KICS2: variants seen among roughly 807,000 people sequenced by gnomAD.
KICS2 encodes KICSTOR subunit 2.
KICS2 carries 13 observed loss-of-function variants against 31.4 expected under a neutral mutation model. That is an observed-to-expected ratio of 0.41 (90% CI 0.27 to 0.66). The LOEUF is 0.66. KICS2 is among the 30% of genes least tolerant of loss of function. KICS2 has a pLI of 0.28. For missense variants in KICS2, 455 were observed against 545.4 expected (o/e 0.83, Z 1.65); for synonymous variants, 209 against 214.8 (o/e 0.97, Z 0.24).
At chr12:64,210,564 G>A (rs777074863) in intron 2 of KICS2, among the ~76,000 whole-genome samples, 34 of 152,204 alleles carry the variant, frequency 2.2e-4, no homozygotes, top group Middle Eastern at 3.4e-3. Flanking sequence ...TGGCTTGGAC[G>A]CAGGAGTTCA....
In KICS2 at chr12:64,222,274, T is replaced by G. The variant is rs2037692698; in HGVS notation, c.-37A>C. The G allele has an allele frequency of 6.2e-7, 1 of 1,605,132 alleles. No homozygotes were observed. Among genetic ancestry groups the G allele is most frequent in the Admixed American group, 1.7e-5 (1 of 58,648 alleles). On this transcript the variant is annotated 5_prime_UTR_variant, in exon 1 of 3. Coordinates refer to ENST00000398055, the MANE Select transcript of KICS2 (RefSeq NM_152440.5). ...CCCAGCTCGACCCACGTGGCTCTCC[T>G]CGGCCTCGCACTTCCGGGTTCTGAG...
intron 1 of KICS2, among the ~76,000 whole-genome samples, chr12:64,217,847 GAAGAA>G (rs1408579481): frequency 7.2e-6 from 1 of 139,080 alleles, no homozygotes; most frequent in Non-Finnish European, 1.6e-5. Flanking sequence ...AGGAAGGAAG[GAAGAA>G]AAGGAAAGGA....
chr12:64,208,030 C>T, intron 2 of KICS2, among the ~76,000 whole-genome samples: 1 of 152,026 alleles, frequency 6.6e-6, no homozygotes, highest in South Asian at 2.1e-4. Flanking sequence ...CTCTTTGATT[C>T]TCTCTCTCTC....
intron 1 of KICS2, chr12:64,221,636 G>T (rs2037684432): frequency 3.1e-6 from 1 of 321,606 alleles, no homozygotes; most frequent in Admixed American, 4.6e-5. Flanking sequence ...ATAGAACTAG[G>T]TTGTTTTGCA....
At chr12:64,196,032 C>G (rs1296661171) in intron 2 of KICS2, among the ~76,000 whole-genome samples, 12 of 152,398 alleles carry the variant, frequency 7.9e-5, no homozygotes, top group African/African-American at 2.9e-4. Context: ...GGAGGGGCGC[C>G]CGCCATTGCC....
chr12:64,217,389 C>G (rs575345980), intron 1 of KICS2, among the ~76,000 whole-genome samples: 27 of 151,984 alleles, frequency 1.8e-4, no homozygotes, highest in African/African-American at 6.3e-4. Context: ...AATCTTTTGG[C>G]TTCCCTGGGC....
chr12:64,213,576 C>G (rs1487735859), intron 2 of KICS2, among the ~76,000 whole-genome samples: 1 of 152,174 alleles, frequency 6.6e-6, no homozygotes, highest in Admixed American at 6.5e-5. Context: ...CACCTCCCCC[C>G]CTTTTCCTAC....
chr12:64,188,865 T>A (rs1463538802), downstream of KICS2, among the ~76,000 whole-genome samples: 2 of 151,592 alleles, frequency 1.3e-5, no homozygotes, highest in Non-Finnish European at 2.9e-5. Context: ...TAAAAATAAA[T>A]AAATAAAGGC....
chr12:64,205,669 AAAG>A (rs371664960), intron 2 of KICS2, among the ~76,000 whole-genome samples: 1 of 45,254 alleles, frequency 2.2e-5, no homozygotes. Flanking sequence ...GAGGGAGGGA[AAAG>A]GGAAGGAAGG....
downstream of KICS2, chr12:64,187,266 G>A (rs1345497101): frequency 1.7e-5 from 4 of 233,240 alleles, no homozygotes; most frequent in Admixed American, 1.7e-4. Context: ...TCATCTTTCA[G>A]GATGCAGTCC....
Position 64,197,578 on chromosome 12 carries a change from A to C in KICS2, c.522-2920T>G, listed in dbSNP as rs2037452348. ...TATCACCAGCTAACATCATAATGAC[A>C]GGATCAAATGCACACATAACAATAT... On this transcript the variant is annotated intron_variant, in intron 2 of 2. Coordinates refer to ENST00000398055, the MANE Select transcript of KICS2 (RefSeq NM_152440.5). 2.6e-5 allele frequency among the ~76,000 whole-genome samples: 4 copies of C among 151,374 alleles called. 1 individual carries two copies. The South Asian group carries it at 8.4e-4, about 32-fold the overall frequency.
chr12:64,220,154 C>T (rs1264262288), intron 1 of KICS2, among the ~76,000 whole-genome samples: 1 of 152,164 alleles, frequency 6.6e-6, no homozygotes, highest in Non-Finnish European at 1.5e-5. Context: ...CACCTAGGAA[C>T]GTAACAGTGC....
In KICS2 at chr12:64,193,974, A is replaced by G; in HGVS notation, c.1206T>C (p.Phe402=). The part of the protein sequence containing the change: ...TYFLTRPEPH[F]TIVIIFESKK... ...TTGACTCAAAAATGATGACAATGGTAAAGTGAGGTTCCGGGCGGGTTAGGA... is the reference window on the plus strand; with the variant it reads ...TTGACTCAAAAATGATGACAATGGTGAAGTGAGGTTCCGGGCGGGTTAGGA... Residue 402 remains phenylalanine, a synonymous_variant, in exon 3 of 3, where the codon TTT becomes TTC. Coordinates refer to ENST00000398055, the MANE Select transcript of KICS2 (RefSeq NM_152440.5). 3 of 1,614,242 alleles carry G rather than the reference A, an allele frequency of 1.9e-6. No homozygotes were observed. Among genetic ancestry groups the G allele is most frequent in the Non-Finnish European group, 2.5e-6 (3 of 1,180,042 alleles).
At chr12:64,207,703 C>A (rs1474361027) in intron 2 of KICS2, among the ~76,000 whole-genome samples, 1 of 152,168 alleles carries the variant, frequency 6.6e-6, no homozygotes, top group African/African-American at 2.4e-5. Flanking sequence ...AGTAAAAAGT[C>A]AACCCCAGTG....
intron 2 of KICS2, among the ~76,000 whole-genome samples, chr12:64,204,136 T>TTGCAGGGAC: frequency 6.6e-6 from 1 of 152,052 alleles, no homozygotes; most frequent in African/African-American, 2.4e-5. Flanking sequence ...TGTTCTCACT[T>TTGCAGGGAC]ATAAGCAGGA....
intron 2 of KICS2, among the ~76,000 whole-genome samples, chr12:64,202,901 C>G (rs899442293): frequency 6.6e-6 from 1 of 151,984 alleles, no homozygotes; most frequent in African/African-American, 2.4e-5. Context: ...GCACATGACC[C>G]ATTTTCACCA....
intron 1 of KICS2, 156 bp downstream of exon 1, chr12:64,221,847 A>G: frequency 1.2e-6 from 1 of 847,906 alleles, no homozygotes; most frequent in Non-Finnish European, 1.8e-6. Context: ...GTGGAAGCCC[A>G]GGGAAGGAAA....
rs2335390 is a variant in KICS2 at position 64,215,782 on chromosome 12, T to C, written c.417A>G (p.Ile139Met). The C allele has an allele frequency of 2.6e-3, 4,146 of 1,614,098 alleles. 106 individuals carry two copies. The African/African-American group carries it at 0.049, about 19-fold the overall frequency. ...TGTACATCTTCTCATAGAAGTCTGC[T>C]ATCTCCATCCGAGCCTGAACAAAGA... is the stretch of plus-strand genomic sequence containing the variant. ...LCFFVQARMEIADFYEKMYTL... is the reference protein window; with the variant it reads ...LCFFVQARMEMADFYEKMYTL... Residue 139 changes from isoleucine (I) to methionine (M), a missense_variant, in exon 2 of 3, where the codon ATA becomes ATG. Transcript: ENST00000398055.
chr12:64,212,446 A>T (rs1315386428), intron 2 of KICS2, among the ~76,000 whole-genome samples: 1 of 152,204 alleles, frequency 6.6e-6, no homozygotes, highest in African/African-American at 2.4e-5. Flanking sequence ...TTTTATGACT[A>T]GCTTCTTTCA....
Sources: gnomAD v4.1 joint callset for allele counts (sites outside exome capture counted in the v4.1 genomes callset) on GRCh38, gnomAD v4.1.1 for gene constraint, MANE v1.5 for transcripts, NCBI Gene and HGNC (gene_info 2026-07-23, HGNC 2026-07-21) for gene names.